CHD9: variants seen among roughly 807,000 people sequenced by gnomAD.
The protein encoded by CHD9 is chromodomain helicase DNA binding protein 9.
CHD9 carries 77 observed loss-of-function variants against 316.1 expected under a neutral mutation model. That is an observed-to-expected ratio of 0.24 (90% CI 0.20 to 0.29). The LOEUF (loss-of-function observed/expected upper bound fraction) is 0.29. CHD9 is among the 10% of genes least tolerant of loss of function. CHD9 has a pLI of 1.00. For missense variants in CHD9, 2,763 were observed against 3,438.1 expected, an observed-to-expected ratio of 0.80 and a Z score of 4.91; for synonymous variants, 1,129 against 1,158.3, an observed-to-expected ratio of 0.97 and a Z score of 0.51.
intron 2 of CHD9, among the ~76,000 whole-genome samples, chr16:53,204,002 C>T (rs1284494359): frequency 4.3e-5 from 5 of 116,670 alleles, no homozygotes; most frequent in Non-Finnish European, 3.3e-5. Flanking sequence ...CCAGCCTGGG[C>T]GACAGAGCAA....
In CHD9 at chr16:53,255,798, T is replaced by C; in HGVS notation, c.4209+19T>C. 1 of 1,607,792 alleles carries C rather than the reference T, an allele frequency of 6.2e-7. No homozygotes were observed. Among genetic ancestry groups the C allele is most frequent in the South Asian group, 1.1e-5 (1 of 90,866 alleles). ...TGCCAAGGTAATAGTGGGTGCAATT[T>C]TATTAACATAGCAGTGATGTTCACA... is the stretch of plus-strand genomic sequence containing the variant. On this transcript the variant is annotated intron_variant, in intron 19 of 38. Transcript: ENST00000447540.
In CHD9 at chr16:53,269,204, C is replaced by G. The variant is rs144446445; in HGVS notation, c.4717+1078C>G. ...CTAGTACTTTTTGCTCCTTAGCCTT[C>G]CTAACAGAACATTCTTTTTTGCATG... is the stretch of plus-strand genomic sequence containing the variant. On this transcript the variant is annotated intron_variant, in intron 22 of 38. Transcript: ENST00000447540. Among the ~76,000 whole-genome samples, 39 of 152,150 alleles carry G rather than the reference C, an allele frequency of 2.6e-4. 2 individuals carry two copies. Among genetic ancestry groups the G allele is most frequent in the Admixed American group, 1.9e-3 (29 of 15,270 alleles).
At chr16:53,243,960 T>G (rs2152953370) in intron 13 of CHD9, among the ~76,000 whole-genome samples, 1 of 152,258 alleles carries the variant, frequency 6.6e-6, no homozygotes, top group Non-Finnish European at 1.5e-5. Flanking sequence ...ACACACCCAG[T>G]TCAACACCTC....
intron 1 of CHD9, among the ~76,000 whole-genome samples, chr16:53,057,251 A>T (rs1343416252): frequency 6.6e-6 from 1 of 150,514 alleles, no homozygotes; most frequent in Non-Finnish European, 1.5e-5. Context: ...CTGAGGTGTG[A>T]GGTTAGGAGT....
At chr16:53,312,314 A>G (rs958170556) in intron 34 of CHD9, among the ~76,000 whole-genome samples, 2 of 152,332 alleles carry the variant, frequency 1.3e-5, no homozygotes, top group African/African-American at 2.4e-5. Context: ...AATACATTCA[A>G]TATTTTGCTA....
Position 53,226,430 on chromosome 16 carries a change from C to T in CHD9, c.1961C>T (p.Ser654Phe). ...GCAGAAGATATAGAAGGGAAGCAATCTGAAGAAGAGGTTAAAGGTTCTATG... is the reference window on the plus strand; with the variant it reads ...GCAGAAGATATAGAAGGGAAGCAATTTGAAGAAGAGGTTAAAGGTTCTATG... ...KYAEDIEGKQ[S>F]EEEVKGSMKI... Residue 654 changes from serine to phenylalanine, a missense_variant, in exon 5 of 39, where the codon TCT becomes TTT. By Grantham distance (155) the Ser-to-Phe change is radical. Around this residue, in one of 15 missense-constraint regions of CHD9, gnomAD observed 859 missense variants for 890.4 expected, o/e 0.96. Transcript: ENST00000447540. 1 of 1,603,986 alleles carries T rather than the reference C, an allele frequency of 6.2e-7. No individual in the cohort carries two copies. The highest frequency in any genetic ancestry group is 8.5e-7 in the Non-Finnish European group (1 of 1,176,532).
chr16:53,130,276 AC>A (rs1445123920), intron 1 of CHD9, among the ~76,000 whole-genome samples: 1 of 152,046 alleles, frequency 6.6e-6, no homozygotes, highest in Admixed American at 6.5e-5. Flanking sequence ...GGCGCGTGAC[AC>A]CCGGGTCTCC....
At chr16:53,248,708 G>A (rs2049884060) in intron 16 of CHD9, among the ~76,000 whole-genome samples, 1 of 151,722 alleles carries the variant, frequency 6.6e-6, no homozygotes. Context: ...TTTGGGTAGA[G>A]ACAGGGTCTC....
chr16:53,229,456 G>T (rs970574865), intron 8 of CHD9, among the ~76,000 whole-genome samples: 1 of 152,152 alleles, frequency 6.6e-6, no homozygotes, highest in African/African-American at 2.4e-5. Context: ...TTCAGTACAT[G>T]AAATATATTG....
At chr16:53,251,780 A>C (rs1430942387) in intron 17 of CHD9, among the ~76,000 whole-genome samples, 1 of 152,178 alleles carries the variant, frequency 6.6e-6, no homozygotes, top group Non-Finnish European at 1.5e-5. Context: ...CTCCACTTTT[A>C]ACATGTATGC....
At chr16:53,311,685 A>G (rs1395877072) in intron 34 of CHD9, 1 of 152,260 alleles carries the variant, frequency 6.6e-6, no homozygotes, top group East Asian at 1.9e-4. Flanking sequence ...ACAAGAGGAC[A>G]AAACTGAAGA....
intron 2 of CHD9, among the ~76,000 whole-genome samples, chr16:53,189,557 A>AT (rs987613732): frequency 2.5e-4 from 37 of 150,384 alleles, no homozygotes; most frequent in African/African-American, 5.6e-4. Context: ...TATTATATAT[A>AT]TTTTTTTTTC....
At position 53,068,473 on chromosome 16, in the gene CHD9, G is replaced by T. The variant is rs150098490; in HGVS notation, c.-165+13396G>T. On this transcript the variant is annotated intron_variant, in intron 1 of 38. Transcript: ENST00000447540. ...AGTACTTCAGCTAAACACAGGGCCCGCTAAAGTGCCCTCTACCAAGCCACA... is the reference window on the plus strand; with the variant it reads ...AGTACTTCAGCTAAACACAGGGCCCTCTAAAGTGCCCTCTACCAAGCCACA... 3.3e-5 allele frequency among the ~76,000 whole-genome samples: 5 copies of T among 152,164 alleles called. 1 individual carries two copies. Among genetic ancestry groups the T allele is most frequent in the Admixed American group, 3.3e-4 (5 of 15,274 alleles).
chr16:53,285,499 CTT>C, intron 24 of CHD9, 95 bp from the exon 25 acceptor site: 1 of 548,230 alleles, frequency 1.8e-6, no homozygotes, highest in Non-Finnish European at 3.1e-6. Flanking sequence ...TAAGCTCTCT[CTT>C]GAAAGCCACA....
intron 22 of CHD9, among the ~76,000 whole-genome samples, chr16:53,271,803 A>T (rs2052298846): frequency 2.0e-5 from 3 of 152,168 alleles, no homozygotes; most frequent in Admixed American, 2.0e-4. Flanking sequence ...AGATTGAATG[A>T]TGAATCTGGG....
chr16:53,265,288 G>C (rs2051546839), intron 20 of CHD9, among the ~76,000 whole-genome samples: 1 of 152,052 alleles, frequency 6.6e-6, no homozygotes, highest in Admixed American at 6.6e-5. Flanking sequence ...TGTAATCCTA[G>C]TTACGAAGGA....
chr16:53,298,600 C>A (rs1362460071), intron 30 of CHD9: 1 of 152,472 alleles, frequency 6.6e-6, no homozygotes, highest in Non-Finnish European at 1.5e-5. Flanking sequence ...GCTGCAGTGA[C>A]CCATGATGAC....
intron 2 of CHD9, among the ~76,000 whole-genome samples, chr16:53,198,809 T>A (rs1359045765): frequency 6.6e-6 from 1 of 152,212 alleles, no homozygotes; most frequent in Non-Finnish European, 1.5e-5. Flanking sequence ...GATGTGTTCC[T>A]CTGTACAGAT....
intron 27 of CHD9, among the ~76,000 whole-genome samples, chr16:53,288,229 T>G (rs1438657988): frequency 6.6e-6 from 1 of 152,234 alleles, no homozygotes; most frequent in Non-Finnish European, 1.5e-5. Context: ...GGGGGCTGGC[T>G]TGGACATGTG....
Sources: allele counts gnomAD v4.1 joint callset (sites outside exome capture counted in the v4.1 genomes callset), GRCh38; gene constraint gnomAD v4.1.1; regional missense constraint gnomAD v4.1.1; transcripts MANE v1.5; gene names NCBI Gene and HGNC (gene_info 2026-07-23, HGNC 2026-07-21).